The following GAS7 variants were observed in gnomAD, a reference collection of about 807,000 sequenced individuals.
GAS7 encodes the protein growth arrest-specific protein 7.
GAS7 carries 28 observed loss-of-function variants against 71.1 expected under a neutral mutation model. The ratio of observed to expected loss-of-function variants is 0.39; its 90% CI spans 0.29 to 0.54. GAS7 has a LOEUF of 0.54. Among genes scored for constraint, GAS7 ranks in the 20% least tolerant of loss-of-function variants. The probability of loss-of-function intolerance (pLI) is 0.62; values close to 1 mark genes in which losing one functional copy is unlikely to be tolerated. For synonymous variants in GAS7, 258 were observed against 245.8 expected (o/e 1.05, Z -0.46); for missense variants, 436 against 627.8 (o/e 0.69, Z 3.27).
chr17:10,032,130 A>AC (rs905531207), intron 1 of GAS7, among the ~76,000 whole-genome samples: 1 of 150,340 alleles, frequency 6.7e-6, no homozygotes. Flanking sequence ...AAAAAAAAAA[A>AC]CCCTACATTT....
chr17:10,082,082 G>GA (rs745777866), intron 1 of GAS7, among the ~76,000 whole-genome samples: 2 of 151,552 alleles, frequency 1.3e-5, no homozygotes, highest in Non-Finnish European at 2.9e-5. Context: ...GCACCAACAC[G>GA]AAAAAAACTC....
chr17:10,181,165 T>G (rs923320398), intron 1 of GAS7, among the ~76,000 whole-genome samples: 2 of 151,214 alleles, frequency 1.3e-5, no homozygotes, highest in South Asian at 4.2e-4. Flanking sequence ...ATCGAGACCA[T>G]CCTGGCTAAC....
chr17:10,079,259 A>G (rs1401564835), intron 1 of GAS7, among the ~76,000 whole-genome samples: 16 of 152,240 alleles, frequency 1.1e-4, no homozygotes, highest in Non-Finnish European at 2.4e-4. Context: ...TACTTTGATA[A>G]AAATAAACAT....
intron 2 of GAS7, among the ~76,000 whole-genome samples, chr17:10,005,033 A>C (rs2152174091): frequency 7.3e-6 from 1 of 137,220 alleles, no homozygotes; most frequent in South Asian, 2.2e-4. Flanking sequence ...CTCTCTCTAT[A>C]TATACATACA....
In GAS7 at chr17:9,917,203, A is replaced by T; in HGVS notation, c.*25T>A. 2.2e-5 allele frequency: 20 copies of T among 908,902 alleles called. No individual in the cohort carries two copies. Among genetic ancestry groups the T allele is most frequent in the Non-Finnish European group, 3.7e-5 (20 of 539,474 alleles). The allele number at this position is 908,902 out of a possible 1,614,324, so 56.3% of individuals were successfully genotyped here. On this transcript the variant is annotated 3_prime_UTR_variant, in exon 14 of 14. Transcript: ENST00000432992. The stretch of plus-strand genomic sequence containing the variant: ...GAGCCCAGCCCCCCTCCCCAGCAGG[A>T]CCCCCCGAAGCTGCACAGGCCCATC...
chr17:9,971,615 T>C (rs9892809), intron 3 of GAS7, among the ~76,000 whole-genome samples: 72,996 of 151,858 alleles, frequency 0.48, 17,638 homozygotes, highest in South Asian at 0.5. Context: ...TCTTTGCTTT[T>C]GTTCCTGAAT....
chr17:10,014,170 C>T (rs1027213042), intron 2 of GAS7, among the ~76,000 whole-genome samples: 6 of 152,318 alleles, frequency 3.9e-5, no homozygotes, highest in South Asian at 4.1e-4. Context: ...ATACCCTATA[C>T]TCACTGTATG....
At chr17:10,182,452 AC>A (rs2074423758) in intron 1 of GAS7, among the ~76,000 whole-genome samples, 1 of 152,036 alleles carries the variant, frequency 6.6e-6, no homozygotes, top group African/African-American at 2.4e-5. Context: ...GAGGCACCGC[AC>A]CCGGCCTTAT....
At chr17:10,105,504 G>A (rs937107742) in intron 1 of GAS7, among the ~76,000 whole-genome samples, 1 of 152,170 alleles carries the variant, frequency 6.6e-6, no homozygotes, top group African/African-American at 2.4e-5. Flanking sequence ...CTATTGGACT[G>A]TGCTGTTCTA....
intron 4 of GAS7, among the ~76,000 whole-genome samples, chr17:9,963,338 T>C (rs2069577489): frequency 6.6e-6 from 1 of 152,186 alleles, no homozygotes; most frequent in Admixed American, 6.5e-5. Flanking sequence ...CTTGGGTTGA[T>C]GAAAATGTTC....
chr17:10,093,552 CA>C lies in GAS7; in HGVS notation c.184-73656del, dbSNP rs60319441. ...CTGGCAACAGAGTGAGACTCCGTCT[CA>C]AAAAAAAAAAAAAAAAAAAAGCTGA... On this transcript the variant is annotated intron_variant, in intron 1 of 13. Coordinates refer to ENST00000432992, the MANE Select transcript of GAS7 (RefSeq NM_201433.2). Among the ~76,000 whole-genome samples, 225 of 66,054 alleles carry C rather than the reference CA, an allele frequency of 3.4e-3. 1 individual carries two copies. In the East Asian group the frequency reaches 0.036, roughly 10 times the overall value. 43.3% of individuals were successfully genotyped at this position (66,054 alleles called of 152,430 possible). A position where few individuals can be genotyped will look rare whatever the true frequency, so the allele number is the denominator to read the frequency against.
chr17:10,107,443 A>G (rs2073767725), intron 1 of GAS7, among the ~76,000 whole-genome samples: 1 of 152,244 alleles, frequency 6.6e-6, no homozygotes, highest in Admixed American at 6.5e-5. Context: ...AGTAGCTTAT[A>G]TACAGTCCAG....
rs1311096047 is a variant in GAS7, at chr17:10,123,490, A to G, written c.183+74718T>C. 2.6e-5 allele frequency among the ~76,000 whole-genome samples: 4 copies of G among 152,232 alleles called. No homozygotes were observed. The East Asian group carries it at 5.8e-4, about 22-fold the overall frequency. ...TGTACCCATGCCTCTTGCCTGGTCC[A>G]GTCCTGCTGTTGATCTGACTCTCAG... On this transcript the variant is annotated intron_variant, in intron 1 of 13. Coordinates refer to ENST00000432992, the MANE Select transcript of GAS7 (RefSeq NM_201433.2).
chr17:9,956,231 T>A (rs1429762064), intron 5 of GAS7, among the ~76,000 whole-genome samples: 1 of 152,130 alleles, frequency 6.6e-6, no homozygotes, highest in East Asian at 1.9e-4. Flanking sequence ...AACTGAGGGT[T>A]CAAGTCCAAC....
At chr17:9,983,246 T>C (rs1263794080) in intron 2 of GAS7, among the ~76,000 whole-genome samples, 1 of 152,176 alleles carries the variant, frequency 6.6e-6, no homozygotes, top group Admixed American at 6.5e-5. Flanking sequence ...TCTCAATACT[T>C]TTGGGAGGCT....
At chr17:10,012,562 C>CA (rs2071817664) in intron 2 of GAS7, among the ~76,000 whole-genome samples, 1 of 152,196 alleles carries the variant, frequency 6.6e-6, no homozygotes, top group East Asian at 1.9e-4. Context: ...TGCTGGATTA[C>CA]AGGTGAGAGC....
chr17:10,073,896 G>T (rs559638809), intron 1 of GAS7, among the ~76,000 whole-genome samples: 99 of 152,322 alleles, frequency 6.5e-4, no homozygotes, highest in Middle Eastern at 3.4e-3. Flanking sequence ...CATAGCCATT[G>T]AGCCTGGCAG....
chr17:10,184,274 T>C (rs969952403), intron 1 of GAS7, among the ~76,000 whole-genome samples: 6 of 152,108 alleles, frequency 3.9e-5, no homozygotes, highest in Admixed American at 2.6e-4. Flanking sequence ...GCTCCTGGCA[T>C]TGGCCCCAGG....
At chr17:10,008,769 T>TCG (rs774469840) in intron 2 of GAS7, among the ~76,000 whole-genome samples, 6 of 148,898 alleles carry the variant, frequency 4.0e-5, no homozygotes, top group African/African-American at 1.5e-4. Context: ...AGGCTGGCGC[T>TCG]CTCTCTCTCT....
Sources: gnomAD v4.1 joint callset for allele counts (sites outside exome capture counted in the v4.1 genomes callset) on GRCh38, gnomAD v4.1.1 for gene constraint, MANE v1.5 for transcripts, NCBI Gene and HGNC (gene_info 2026-07-23, HGNC 2026-07-21) for gene names.